Variants in NID1 observed in about 807,000 individuals in gnomAD.
The protein encoded by NID1 is nidogen 1.
In NID1, 76 loss-of-function variants were observed where a neutral mutation model predicts 130.6. The ratio of observed to expected loss-of-function variants is 0.58; its 90% confidence interval spans 0.48 to 0.70. The LOEUF is 0.70. NID1 is among the 30% of genes least tolerant of loss of function. The pLI is 0.00. For synonymous variants in NID1, 665 were observed against 675.1 expected (o/e 0.98, Z 0.23); for missense variants, 1,517 against 1,664.8 (o/e 0.91, Z 1.54).
intron 11 of NID1, 40 bp downstream of exon 11, chr1:236,013,371 C>A: frequency 1.2e-6 from 2 of 1,606,956 alleles, no homozygotes; most frequent in Admixed American, 1.7e-5. Flanking sequence ...AGGAAACTTT[C>A]TCAGGTTACA....
intron 6 of NID1, among the ~76,000 whole-genome samples, chr1:236,031,011 A>G (rs1206892918): frequency 1.3e-5 from 2 of 152,240 alleles, no homozygotes; most frequent in Non-Finnish European, 2.9e-5. Flanking sequence ...TGAGAGCATC[A>G]ATATTGTTAT....
intron 1 of NID1, among the ~76,000 whole-genome samples, chr1:236,062,426 G>T (rs961027626): frequency 1.3e-5 from 2 of 152,088 alleles, no homozygotes; most frequent in Non-Finnish European, 2.9e-5. Flanking sequence ...CCTGAGGTCA[G>T]GAGTTAGAGA....
In NID1 at chr1:236,033,366, G is replaced by A. The variant is rs1421024492; in HGVS notation, c.1286-714C>T. On this transcript the variant is annotated intron_variant, in intron 5 of 19. Transcript: ENST00000264187. ...ATTGCTCATTTCATTGGGACAGCAAGGCTAACCTGAATGGCCCTGGGAGTA... is the reference window on the plus strand; with the variant it reads ...ATTGCTCATTTCATTGGGACAGCAAAGCTAACCTGAATGGCCCTGGGAGTA... Among the ~76,000 whole-genome samples the A allele has an allele frequency of 2.0e-5, 3 of 152,160 alleles. No homozygotes were observed. The East Asian group carries it at 5.8e-4, about 29-fold the overall frequency.
At chr1:236,014,177 G>T (rs868513925) in intron 10 of NID1, among the ~76,000 whole-genome samples, 24 of 152,128 alleles carry the variant, frequency 1.6e-4, no homozygotes, top group Middle Eastern at 6.8e-3. Flanking sequence ...TCAACCACAT[G>T]GCCTTAGATA....
rs138529661 is a variant in NID1 at position 236,042,125 on chromosome 1, T to A, written c.920A>T (p.Asp307Val). The change falls in exon 4 of 20, where the codon GAT becomes GTT. Residue 307 changes from aspartate (D) to valine (V), a missense_variant. Asp to Val is a radical substitution (Grantham distance 152). Coordinates refer to ENST00000264187, the MANE Select transcript of NID1 (RefSeq NM_002508.3). ...GTAGGAGAAGGGCGTGGTGCCCACA[T>A]CCTCCAGGCCCAGACGAGTGGTCGC... The part of the protein sequence containing the change: ...DLATTRLGLE[D>V]VGTTPFSYKA... 7.4e-6 allele frequency: 12 copies of A among 1,614,008 alleles called. No individual in the cohort carries two copies. Among genetic ancestry groups the A allele is most frequent in the Non-Finnish European group, 1.0e-5 (12 of 1,180,002 alleles).
At chr1:236,043,649 T>C (rs1238840068) in intron 3 of NID1, among the ~76,000 whole-genome samples, 2 of 151,950 alleles carry the variant, frequency 1.3e-5, no homozygotes, top group African/African-American at 4.8e-5. Flanking sequence ...ATACAAAAAA[T>C]TAGCTGGGCG....
At chr1:236,049,239 C>G (rs1217256416) in intron 1 of NID1, among the ~76,000 whole-genome samples, 1 of 152,160 alleles carries the variant, frequency 6.6e-6, no homozygotes, top group African/African-American at 2.4e-5. Context: ...TAATCACTCC[C>G]TACCAGGACT....
rs371348422 is a variant in NID1, at chr1:236,048,860, T to C, written c.355A>G (p.Lys119Glu). ...GATAAGTCTTCTCGATAATAAACCT[T>C]CCCCAGGCCATCGGTCGTGTCCAAG... is the stretch of plus-strand genomic sequence containing the variant. ...ADLDTTDGLG[K>E]VYYREDLSPS... Residue 119 changes from lysine to glutamate, a missense_variant, in exon 2 of 20, where the codon AAG (lysine) becomes GAG (glutamate). Transcript: ENST00000264187. 1.9e-6 allele frequency: 3 copies of C among 1,613,880 alleles called. No homozygotes were observed. The African/African-American group carries it at 4.0e-5, about 22-fold the overall frequency.
At chr1:235,991,779 G>A (rs1012205542) in intron 13 of NID1, among the ~76,000 whole-genome samples, 1 of 152,172 alleles carries the variant, frequency 6.6e-6, no homozygotes, top group African/African-American at 2.4e-5. Context: ...CTGCCCACAG[G>A]GAGCCAGGTT....
At chr1:236,008,667 ATTT>A (rs756227226) in intron 12 of NID1, among the ~76,000 whole-genome samples, 2 of 138,634 alleles carry the variant, frequency 1.4e-5, no homozygotes, top group Non-Finnish European at 1.6e-5. Flanking sequence ...CGCCCAGCTA[ATTT>A]TTTTTTTTTT....
chr1:236,026,378 T>C (rs2102827175), intron 7 of NID1, among the ~76,000 whole-genome samples: 1 of 152,328 alleles, frequency 6.6e-6, no homozygotes, highest in South Asian at 2.1e-4. Context: ...ATTATGTGTA[T>C]TTGTTGCTTT....
rs143345751 is a variant in NID1 at position 236,035,738 on chromosome 1, A to C, written c.1285+2366T>G. The stretch of plus-strand genomic sequence containing the variant: ...CTTTTCGTTGGGTTCCATACGCCCA[A>C]ACGGCTCAACAGGTTCTCTGATCAG... On this transcript the variant is annotated intron_variant, in intron 5 of 19. Coordinates refer to ENST00000264187, the MANE Select transcript of NID1 (RefSeq NM_002508.3). 2.6e-4 allele frequency among the ~76,000 whole-genome samples: 40 copies of C among 152,284 alleles called. 1 individual carries two copies. In the East Asian group the frequency reaches 7.5e-3, roughly 29 times the overall value.
At position 236,029,611 on chromosome 1, in the gene NID1, A is replaced by C. The variant is rs760004084; in HGVS notation, c.1677T>G (p.Ile559Met). The C allele has an allele frequency of 1.2e-6, 2 of 1,602,948 alleles. No individual in the cohort carries two copies. The highest frequency in any genetic ancestry group is 1.7e-4 in the Middle Eastern group (1 of 5,970). The change falls in exon 7 of 20, where the codon ATT becomes ATG. Residue 559 changes from isoleucine (I) to methionine (M), a missense_variant. Coordinates refer to ENST00000264187, the MANE Select transcript of NID1 (RefSeq NM_002508.3). ...CAATGTGCACGGAGGAGCCGAACGG[A>C]ATCTGCGGCACGCGGCCCTCCAGCT... ...DTELEGRVPQ[I>M]PFGSSVHIEP...
chr1:236,024,609 CT>C (rs1658869035), intron 8 of NID1, among the ~76,000 whole-genome samples: 1 of 152,198 alleles, frequency 6.6e-6, no homozygotes, highest in Non-Finnish European at 1.5e-5. Context: ...GAATGCCTGC[CT>C]TCTTTCTGCT....
intron 3 of NID1, among the ~76,000 whole-genome samples, 183 bp downstream of exon 3, chr1:236,045,274 C>G (rs1429481791): frequency 6.7e-6 from 1 of 148,826 alleles, no homozygotes; most frequent in Non-Finnish European, 1.5e-5. Context: ...AATAGGATAT[C>G]TGTTCATTCT....
chr1:236,007,365 A>G (rs11590845), intron 12 of NID1, among the ~76,000 whole-genome samples: 1 of 151,926 alleles, frequency 6.6e-6, no homozygotes, highest in Middle Eastern at 3.2e-3. Flanking sequence ...ATTCCCTCAG[A>G]TGTTGTCCAG....
At chr1:236,028,589 CT>C in intron 7 of NID1, among the ~76,000 whole-genome samples, 1 of 152,054 alleles carries the variant, frequency 6.6e-6, no homozygotes, top group Non-Finnish European at 1.5e-5. Context: ...GTACTGTGGC[CT>C]TGTAAAAGAA....
intron 3 of NID1, among the ~76,000 whole-genome samples, chr1:236,045,147 C>T (rs930163773): frequency 2.1e-5 from 3 of 140,074 alleles, no homozygotes; most frequent in East Asian, 2.1e-4. Flanking sequence ...TGCAGTGAGT[C>T]GAGATTGTGC....
chr1:235,993,946 G>A, intron 12 of NID1, 74 bp from the exon 13 acceptor site: 3 of 1,414,666 alleles, frequency 2.1e-6, no homozygotes, highest in East Asian at 2.5e-5. Flanking sequence ...GGCTGCAGGA[G>A]TCCCCGCAGC....
Sources: allele counts gnomAD v4.1 joint callset (sites outside exome capture counted in the v4.1 genomes callset), GRCh38; gene constraint gnomAD v4.1.1; transcripts MANE v1.5; gene names NCBI Gene and HGNC (gene_info 2026-07-23, HGNC 2026-07-21).